The following SEC22C variants were observed in gnomAD, a reference collection of about 807,000 sequenced individuals.
The protein encoded by SEC22C is SEC22 homolog C, vesicle trafficking protein, also known as vesicle-trafficking protein SEC22c.
Under a neutral mutation model 34.7 loss-of-function variants are expected in SEC22C, and 29 were observed. That is an observed-to-expected ratio of 0.84 (90% CI 0.62 to 1.14). The LOEUF (loss-of-function observed/expected upper bound fraction) is 1.14, where lower values mean the gene tolerates loss of function less well. Ranked by LOEUF, SEC22C falls within the 50% of genes most tolerant of loss-of-function variation. The pLI is 0.00. For missense variants in SEC22C, 337 were observed against 369.0 expected (o/e 0.91, Z 0.71); for synonymous variants, 117 against 132.8 (o/e 0.88, Z 0.82).
chr3:42,568,999 C>A lies in SEC22C; in HGVS notation c.48G>T (p.Leu16=). 6.2e-7 allele frequency: 1 copy of A among 1,614,114 alleles called. No individual in the cohort carries two copies. The highest frequency in any genetic ancestry group is 8.5e-7 in the Non-Finnish European group (1 of 1,180,016). ...AAAAATCAGTAGAGGCTGAGAGGGG[C>A]AGTCCATCCCTTACCCGTACCACGC... ...FACVVRVRDG[L]PLSASTDFYH... is the part of the protein sequence containing the mutation. Residue 16 remains leucine, a synonymous_variant, in exon 2 of 7, where the codon CTG becomes CTT. Coordinates refer to ENST00000264454, the MANE Select transcript of SEC22C (RefSeq NM_032970.4).
At chr3:42,592,165 C>T (rs1348432579) in intron 1 of SEC22C, among the ~76,000 whole-genome samples, 1 of 151,826 alleles carries the variant, frequency 6.6e-6, no homozygotes, top group Non-Finnish European at 1.5e-5. Context: ...GTCTCTTTTC[C>T]GAATCTAGTC....
intron 1 of SEC22C, chr3:42,595,184 CAG>C (rs1356603067): frequency 6.6e-6 from 1 of 152,134 alleles, no homozygotes; most frequent in African/African-American, 2.4e-5. Flanking sequence ...CTTCAGTTAT[CAG>C]ATAGTCTTTT....
chr3:42,593,147 A>G (rs573069377), intron 1 of SEC22C, among the ~76,000 whole-genome samples: 1 of 152,238 alleles, frequency 6.6e-6, no homozygotes, highest in Admixed American at 6.5e-5. Flanking sequence ...CATCCCTGTA[A>G]TCCCAGTACT....
rs1187099067 is a variant in SEC22C at position 42,561,105 on chromosome 3, C to T, written c.526+12G>A. On this transcript the variant is annotated intron_variant, in intron 4 of 6. Coordinates refer to ENST00000264454, the MANE Select transcript of SEC22C (RefSeq NM_032970.4). ...TCACTTCATCAACATCAGGGAACAA[C>T]AAGCCACTTACCAGGCTCCAAGTGC... The T allele has an allele frequency of 6.2e-7, 1 of 1,607,484 alleles. No homozygotes were observed. The highest frequency in any genetic ancestry group is 1.7e-5 in the Admixed American group (1 of 59,556).
rs1490371910 is a variant in SEC22C at position 42,552,910 on chromosome 3, T to C, written c.*338A>G. ...AATGACTAAAACCAGTGTTATTGAA[T>C]CAAGTGGTTTACTGTATCATTCAAC... On this transcript the variant is annotated 3_prime_UTR_variant, in exon 7 of 7. Transcript: ENST00000264454. 1.9e-6 allele frequency: 2 copies of C among 1,075,974 alleles called. No homozygotes were observed. Among genetic ancestry groups the C allele is most frequent in the South Asian group, 3.0e-5 (1 of 33,006 alleles). The allele number at this position is 1,075,974 out of a possible 1,614,324, so 66.7% of individuals were successfully genotyped here.
At position 42,553,270 on chromosome 3, in the gene SEC22C, T is replaced by A. The variant is rs979279157; in HGVS notation, c.890A>T (p.Lys297Met). The A allele has an allele frequency of 6.2e-7, 1 of 1,614,052 alleles. No individual in the cohort carries two copies. The highest frequency in any genetic ancestry group is 1.3e-5 in the African/African-American group (1 of 74,924). The change falls in exon 7 of 7, where the codon AAG (lysine) becomes ATG (methionine). Residue 297 changes from lysine to methionine, a missense_variant. Physicochemically the swap from Lys to Met is moderately conservative, Grantham distance 95. Transcript: ENST00000264454. ...YQILTRQLQE[K>M]QSDCGV ...TCCTCATACTCCACAGTCAGACTGC[T>A]TCTCCTGAAGCTGCCTTGTTAGTAT...
intron 4 of SEC22C, among the ~76,000 whole-genome samples, chr3:42,558,552 T>G (rs1229057116): frequency 6.8e-6 from 1 of 147,090 alleles, no homozygotes; most frequent in Non-Finnish European, 1.5e-5. Flanking sequence ...TTTGGGAGGC[T>G]AAGGTGAGAG....
Position 42,550,438 on chromosome 3 carries a change from C to T in SEC22C, c.*2810G>A. The T allele has an allele frequency of 3.0e-6, 3 of 985,434 alleles. No individual in the cohort carries two copies. Among genetic ancestry groups the T allele is most frequent in the Non-Finnish European group, 3.6e-6 (3 of 829,950 alleles). 61.0% of individuals were successfully genotyped at this position (985,434 alleles called of 1,614,324 possible). ...ATAAACCTCCAACCCTGAACCAAGT[C>T]AAACCTAAGCCTGGGGATTTCCCTC... On this transcript the variant is annotated 3_prime_UTR_variant, in exon 7 of 7. Coordinates refer to ENST00000264454, the MANE Select transcript of SEC22C (RefSeq NM_032970.4).
intron 4 of SEC22C, 128 bp downstream of exon 4, chr3:42,560,988 AT>A: frequency 1.1e-6 from 1 of 905,528 alleles, no homozygotes; most frequent in Non-Finnish European, 1.6e-6. Context: ...ATGGGCCCAT[AT>A]TTTTCTCAGC....
Position 42,548,939 on chromosome 3 carries a change from A to T in SEC22C, c.*4309T>A. 8.2e-7 allele frequency: 1 copy of T among 1,226,264 alleles called. No individual in the cohort carries two copies. The highest frequency in any genetic ancestry group is 1.0e-6 in the Non-Finnish European group (1 of 976,288). The allele number at this position is 1,226,264 out of a possible 1,614,324, so 76.0% of individuals were successfully genotyped here. On this transcript the variant is annotated 3_prime_UTR_variant, in exon 7 of 7. Coordinates refer to ENST00000264454, the MANE Select transcript of SEC22C (RefSeq NM_032970.4). The stretch of plus-strand genomic sequence containing the variant: ...CCCTCCACTACCACTTTTGACCCTC[A>T]TAACAGCACCCTGGCGGGGGGGCAG...
intron 2 of SEC22C, chr3:42,565,903 A>G (rs1169072435): frequency 1.8e-5 from 8 of 455,764 alleles, no homozygotes; most frequent in Non-Finnish European, 3.1e-5. Flanking sequence ...AAGAAAGTCT[A>G]TTTCCTCTGC....
chr3:42,587,930 G>A (rs1704676342), intron 1 of SEC22C, among the ~76,000 whole-genome samples: 1 of 151,782 alleles, frequency 6.6e-6, no homozygotes, highest in Non-Finnish European at 1.5e-5. Context: ...AAAATTAGCT[G>A]GGCGTGGTGG....
At chr3:42,599,010 G>C (rs944308668) in intron 1 of SEC22C, among the ~76,000 whole-genome samples, 2 of 141,952 alleles carry the variant, frequency 1.4e-5, no homozygotes. Context: ...CTGTCACCCA[G>C]GCTGGAATGC....
Position 42,553,361 on chromosome 3 carries a change from G to A in SEC22C, c.799C>T (p.His267Tyr). Residue 267 changes from histidine (H) to tyrosine (Y), a missense_variant, in exon 7 of 7, where the codon CAC becomes TAC. Transcript: ENST00000264454. ...LFICLGNMYL[H>Y]GLRNLWQILF... ...ATTTGCCAGAGGTTCCTCAGCCCGT[G>A]CAGGTACATGTTGCCCAGGCAAATA... 1 of 1,614,156 alleles carries A rather than the reference G, an allele frequency of 6.2e-7. No homozygotes were observed. The highest frequency in any genetic ancestry group is 8.5e-7 in the Non-Finnish European group (1 of 1,180,012).
Position 42,590,585 on chromosome 3 carries a change from C to CA in SEC22C, c.-28+10374dup, listed in dbSNP as rs1211821938. ...TGGGCGACAGAGCGAGACTCCATCT[C>CA]AAAAAAAAAAAAAGCATGCACAGCC... On this transcript the variant is annotated intron_variant, in intron 1 of 6. Coordinates refer to the SEC22C transcript ENST00000417572. 1.4e-3 allele frequency among the ~76,000 whole-genome samples: 189 copies of CA among 134,802 alleles called. 1 individual carries two copies. The highest frequency in any genetic ancestry group is 2.4e-3 in the East Asian group (11 of 4,678). The allele number at this position is 134,802 out of a possible 152,430, so 88.4% of individuals were successfully genotyped here. A position where few individuals can be genotyped will look rare whatever the true frequency, so the allele number is the denominator to read the frequency against.
chr3:42,585,077 C>T (rs919838248), upstream of SEC22C, among the ~76,000 whole-genome samples: 1 of 152,050 alleles, frequency 6.6e-6, no homozygotes, highest in Non-Finnish European at 1.5e-5. Flanking sequence ...TGCAGTAAGC[C>T]GAGATCGCAC....
At chr3:42,569,596 C>T (rs1384705550) in intron 1 of SEC22C, among the ~76,000 whole-genome samples, 1 of 152,176 alleles carries the variant, frequency 6.6e-6, no homozygotes, top group Non-Finnish European at 1.5e-5. Flanking sequence ...GAGCATCTAA[C>T]CTAATGCTGG....
intron 5 of SEC22C, among the ~76,000 whole-genome samples, chr3:42,556,880 C>T (rs1206652530): frequency 2.0e-5 from 3 of 152,074 alleles, no homozygotes; most frequent in African/African-American, 4.8e-5. Flanking sequence ...TGCGCCACCA[C>T]GCCCAGCTAA....
upstream of SEC22C, among the ~76,000 whole-genome samples, chr3:42,586,498 C>T (rs1704613117): frequency 6.6e-6 from 1 of 151,846 alleles, no homozygotes; most frequent in Admixed American, 6.6e-5. Flanking sequence ...GCTGGCATTA[C>T]AGGTGTGAGC....
Sources: gnomAD v4.1 joint callset for allele counts (sites outside exome capture counted in the v4.1 genomes callset) on GRCh38, gnomAD v4.1.1 for gene constraint, MANE v1.5 for transcripts, NCBI Gene and HGNC (gene_info 2026-07-23, HGNC 2026-07-21) for gene names.